Variants in NLGN4Y observed in about 807,000 individuals in gnomAD.
The protein encoded by NLGN4Y is neuroligin-4, Y-linked.
In NLGN4Y, 4 loss-of-function variants were observed where a neutral mutation model predicts 8.4. The ratio of observed to expected loss-of-function variants is 0.48; its 90% CI spans 0.23 to 1.09. The LOEUF is 1.09. Ranked by LOEUF, NLGN4Y falls within the 50% of genes least tolerant of loss-of-function variation. The pLI is 0.19. For synonymous variants in NLGN4Y, 35 were observed against 75.6 expected (o/e 0.46, Z 2.78); for missense variants, 90 against 192.3 (o/e 0.47, Z 3.15).
chrY:14,649,330 T>TG (rs2080621356), intron 2 of NLGN4Y, among the ~76,000 whole-genome samples: 1 of 33,691 alleles, frequency 3.0e-5, no homozygotes, highest in Admixed American at 2.7e-4. Context: ...TTTAAAGTTT[T>TG]GGAGCAAATA....
rs2150491301 is a variant in NLGN4Y, at chrY:14,590,416, T to A, written c.-111-31593T>A. ...TTGGCCAATGACCGCTTTGGCTACT[T>A]CCTGCTGCATAGGGGTGAAGAAGGG... On this transcript the variant is annotated intron_variant, in intron 1 of 6. Coordinates refer to ENST00000684976, the MANE Select transcript of NLGN4Y (RefSeq NM_001365588.1). Among the ~76,000 whole-genome samples the A allele has an allele frequency of 8.9e-5, 3 of 33,802 alleles. No individual in the cohort carries two copies. In the East Asian group the frequency reaches 2.4e-3, roughly 28 times the overall value. 90.7% of individuals were successfully genotyped at this position (33,802 alleles called of 37,273 possible). A position where few individuals can be genotyped will look rare whatever the true frequency, so the allele number is the denominator to read the frequency against.
intron 2 of NLGN4Y, among the ~76,000 whole-genome samples, chrY:14,672,594 G>A (rs1603502369): frequency 3.3e-5 from 1 of 30,370 alleles, no homozygotes; most frequent in South Asian, 7.8e-4. Context: ...CATGAAAATG[G>A]CCATACTGCC....
intron 2 of NLGN4Y, among the ~76,000 whole-genome samples, chrY:14,648,455 G>T: frequency 3.1e-5 from 1 of 32,441 alleles, no homozygotes; most frequent in Non-Finnish European, 7.5e-5. Flanking sequence ...TTCATCTCAA[G>T]AAATAAAAAA....
Position 14,841,212 on chromosome Y carries a change from G to A in NLGN4Y, c.2461G>A (p.Gly821Arg). ...PLHTFKTFSGGQNSTNLPHGH... is the reference protein window; with the variant it reads ...PLHTFKTFSGRQNSTNLPHGH... ...ACACACTTTTAAAACCTTCAGTGGAGGACAAAACAGTACAAATTTACCCCA... is the reference window on the plus strand; with the variant it reads ...ACACACTTTTAAAACCTTCAGTGGAAGACAAAACAGTACAAATTTACCCCA... The change falls in exon 7 of 7, where the codon GGA becomes AGA. Residue 821 changes from glycine to arginine, a missense_variant. By Grantham distance (125) the Gly-to-Arg change is moderately radical. This residue lies in a region of NLGN4Y where 37 missense variants were observed against 94.0 expected (regional missense o/e 0.39). Coordinates refer to ENST00000684976, the MANE Select transcript of NLGN4Y (RefSeq NM_001365588.1). 2.5e-6 allele frequency: 1 copy of A among 398,272 alleles called. No homozygotes were observed. The highest frequency in any genetic ancestry group is 3.5e-6 in the Non-Finnish European group (1 of 283,335).
chrY:14,573,323 G>A, intron 1 of NLGN4Y, among the ~76,000 whole-genome samples: 1 of 33,048 alleles, frequency 3.0e-5, no homozygotes, highest in Non-Finnish European at 7.4e-5. Flanking sequence ...GTTTAGTCTT[G>A]GGAGGTTGTA....
intron 2 of NLGN4Y, among the ~76,000 whole-genome samples, chrY:14,679,154 T>A: frequency 3.0e-5 from 1 of 32,805 alleles, no homozygotes; most frequent in Non-Finnish European, 7.5e-5. Context: ...GATATATATT[T>A]TTTTATTTTG....
At chrY:14,639,809 C>G in intron 2 of NLGN4Y, 1 of 135,284 alleles carries the variant, frequency 7.4e-6, no homozygotes, top group Non-Finnish European at 1.5e-5. Flanking sequence ...CTCACTTTTT[C>G]AGCACTCTCA....
At chrY:14,709,531 G>A in intron 2 of NLGN4Y, among the ~76,000 whole-genome samples, 2 of 33,064 alleles carry the variant, frequency 6.0e-5, no homozygotes, top group Admixed American at 5.5e-4. Context: ...TGGCCAATGC[G>A]GTGAAACCTC....
At chrY:14,572,121 C>G in intron 1 of NLGN4Y, among the ~76,000 whole-genome samples, 1 of 32,868 alleles carries the variant, frequency 3.0e-5, no homozygotes, top group Non-Finnish European at 7.5e-5. Context: ...GTAGTTTTTT[C>G]CAACTCTGTG....
chrY:14,579,410 A>C, intron 1 of NLGN4Y, among the ~76,000 whole-genome samples: 1 of 33,331 alleles, frequency 3.0e-5, no homozygotes, highest in Non-Finnish European at 7.4e-5. Flanking sequence ...CAGTTACAGT[A>C]AAGTTGAAGA....
chrY:14,561,978 CA>C (rs2080229352), intron 1 of NLGN4Y, among the ~76,000 whole-genome samples: 1 of 33,433 alleles, frequency 3.0e-5, no homozygotes, highest in Non-Finnish European at 7.4e-5. Context: ...AGCCCTTTGT[CA>C]GATGGATAGA....
At chrY:14,607,711 A>T in intron 1 of NLGN4Y, among the ~76,000 whole-genome samples, 1 of 34,154 alleles carries the variant, frequency 2.9e-5, no homozygotes. Flanking sequence ...TTATAATAGA[A>T]TGATCAATAA....
intron 2 of NLGN4Y, among the ~76,000 whole-genome samples, chrY:14,690,138 G>A: frequency 3.0e-5 from 1 of 33,418 alleles, no homozygotes; most frequent in African/African-American, 1.2e-4. Context: ...GAGGGCTTGT[G>A]TGTCTATGAT....
intron 2 of NLGN4Y, chrY:14,639,749 C>A: frequency 6.8e-6 from 1 of 147,912 alleles, no homozygotes; most frequent in Non-Finnish European, 1.4e-5. Context: ...GAGATGTTGG[C>A]ATCAAAGTTA....
At chrY:14,641,985 A>G in intron 2 of NLGN4Y, among the ~76,000 whole-genome samples, 2 of 33,812 alleles carry the variant, frequency 5.9e-5, no homozygotes, top group Non-Finnish European at 1.5e-4. Flanking sequence ...ATAAGCATAT[A>G]AATGTGTCTT....
intron 2 of NLGN4Y, among the ~76,000 whole-genome samples, chrY:14,662,747 A>G (rs2080679585): frequency 3.0e-5 from 1 of 33,522 alleles, no homozygotes; most frequent in East Asian, 7.9e-4. Flanking sequence ...ATATGAGTAC[A>G]TAGTAGGTGT....
At chrY:14,756,379 A>G in intron 4 of NLGN4Y, among the ~76,000 whole-genome samples, 2 of 33,283 alleles carry the variant, frequency 6.0e-5, no homozygotes, top group Admixed American at 2.8e-4. Flanking sequence ...TATTCAAGAA[A>G]TCATTCTCCT....
At chrY:14,763,598 T>G in intron 4 of NLGN4Y, among the ~76,000 whole-genome samples, 1 of 34,176 alleles carries the variant, frequency 2.9e-5, no homozygotes, top group Admixed American at 2.7e-4. Context: ...AACGACTGCA[T>G]GATGTTGATT....
intron 1 of NLGN4Y, among the ~76,000 whole-genome samples, chrY:14,558,647 GCA>G (rs2080217517): frequency 3.0e-5 from 1 of 32,894 alleles, no homozygotes; most frequent in Non-Finnish European, 7.5e-5. Flanking sequence ...ACATATACAT[GCA>G]CACACACTCA....
Sources: allele counts gnomAD v4.1 joint callset (sites outside exome capture counted in the v4.1 genomes callset), GRCh38; gene constraint gnomAD v4.1.1; regional missense constraint gnomAD v4.1.1; transcripts MANE v1.5; gene names NCBI Gene and HGNC (gene_info 2026-07-23, HGNC 2026-07-21).